CAMK1D: variants seen among roughly 807,000 people sequenced by gnomAD.
CAMK1D encodes calcium/calmodulin-dependent protein kinase type 1D.
A neutral mutation model predicts 47.7 loss-of-function variants in CAMK1D; 9 were observed. The observed-to-expected ratio is 0.19, with a 90% CI of 0.11 to 0.33. The LOEUF (loss-of-function observed/expected upper bound fraction) is 0.33. Ranked by LOEUF, CAMK1D falls within the 10% of genes least tolerant of loss-of-function variation. CAMK1D has a pLI of 1.00. For synonymous variants in CAMK1D, 184 were observed against 184.9 expected, an observed-to-expected ratio of 0.99 and a Z score of 0.04; for missense variants, 291 against 488.7, an observed-to-expected ratio of 0.60 and a Z score of 3.81.
At chr10:12,663,149 T>C (rs542933722) in intron 2 of CAMK1D, among the ~76,000 whole-genome samples, 1 of 151,740 alleles carries the variant, frequency 6.6e-6, no homozygotes, top group South Asian at 2.1e-4. Context: ...TTAGTAGGAA[T>C]GGGGTTTCAC....
Position 12,530,243 on chromosome 10 carries a change from G to A in CAMK1D, c.93-22982G>A, listed in dbSNP as rs72769686. The stretch of plus-strand genomic sequence containing the variant: ...TGGCATCAACACGGGAACACAGTGA[G>A]GCTGCTTCCTTTAGGCTGCGAGTGG... On this transcript the variant is annotated intron_variant, in intron 1 of 10. Transcript: ENST00000619168. Among the ~76,000 whole-genome samples the A allele has an allele frequency of 1.7e-3, 256 of 152,316 alleles. 1 individual carries two copies. The highest frequency in any genetic ancestry group is 2.9e-3 in the Admixed American group (44 of 15,300).
At chr10:12,595,341 T>TAAAAA (rs1244575818) in intron 2 of CAMK1D, among the ~76,000 whole-genome samples, 1 of 144 alleles carries the variant, frequency 6.9e-3, no homozygotes, top group Non-Finnish European at 0.012. Context: ...AAACTCCATC[T>TAAAAA]GAAAAAAAAA....
intron 1 of CAMK1D, among the ~76,000 whole-genome samples, chr10:12,550,595 C>A (rs1836545674): frequency 6.6e-6 from 1 of 152,174 alleles, no homozygotes. Flanking sequence ...TCCATGTATC[C>A]CTCTGTGATA....
chr10:12,772,009 G>A (rs1460159691), intron 5 of CAMK1D, among the ~76,000 whole-genome samples: 1 of 150,654 alleles, frequency 6.6e-6, no homozygotes, highest in East Asian at 2.0e-4. Flanking sequence ...ACTCCAGCCT[G>A]GGTGACAAAG....
intron 1 of CAMK1D, among the ~76,000 whole-genome samples, chr10:12,401,094 ATT>A (rs1384647298): frequency 8.5e-5 from 7 of 82,104 alleles, no homozygotes; most frequent in African/African-American, 4.0e-4. Context: ...TATTATATAT[ATT>A]ATATATATAT....
At chr10:12,495,238 A>G (rs1834502027) in intron 1 of CAMK1D, among the ~76,000 whole-genome samples, 1 of 151,888 alleles carries the variant, frequency 6.6e-6, no homozygotes, top group Admixed American at 6.5e-5. Flanking sequence ...CCATTTGTGC[A>G]AAAGGAAAAT....
intron 2 of CAMK1D, among the ~76,000 whole-genome samples, chr10:12,647,295 C>T (rs1417953271): frequency 6.6e-6 from 1 of 150,650 alleles, no homozygotes; most frequent in Non-Finnish European, 1.5e-5. Flanking sequence ...ATTACAGGCA[C>T]CTGCTACCAC....
At chr10:12,781,989 TTTTG>T (rs1318030046) in intron 5 of CAMK1D, among the ~76,000 whole-genome samples, 13 of 143,256 alleles carry the variant, frequency 9.1e-5, no homozygotes, top group African/African-American at 3.1e-4. Flanking sequence ...TTTTTTTTTT[TTTTG>T]CCATCCTGAT....
intron 2 of CAMK1D, among the ~76,000 whole-genome samples, chr10:12,617,855 C>A (rs533214964): frequency 2.0e-5 from 3 of 152,128 alleles, no homozygotes. Flanking sequence ...CCTGATAGAA[C>A]TTTTTCCAAA....
intron 3 of CAMK1D, among the ~76,000 whole-genome samples, chr10:12,703,946 A>G (rs1460814199): frequency 2.0e-5 from 3 of 152,102 alleles, no homozygotes; most frequent in African/African-American, 7.2e-5. Context: ...TCTCATATTT[A>G]TTCAAAGGTT....
chr10:12,808,632 C>T (rs1832468589), intron 6 of CAMK1D, among the ~76,000 whole-genome samples: 1 of 148,920 alleles, frequency 6.7e-6, no homozygotes, highest in African/African-American at 2.5e-5. Flanking sequence ...ACAAAAAATG[C>T]CGGGTGTAGT....
At chr10:12,388,149 A>G (rs940266694) in intron 1 of CAMK1D, among the ~76,000 whole-genome samples, 2 of 152,124 alleles carry the variant, frequency 1.3e-5, no homozygotes, top group African/African-American at 4.8e-5. Flanking sequence ...CAGCCTCCCA[A>G]GTAGCTGGAA....
At chr10:12,509,368 C>T (rs1834972984) in intron 1 of CAMK1D, among the ~76,000 whole-genome samples, 1 of 152,238 alleles carries the variant, frequency 6.6e-6, no homozygotes, top group Non-Finnish European at 1.5e-5. Context: ...CCAGCTTCCT[C>T]TTAGCTGTGA....
intron 2 of CAMK1D, among the ~76,000 whole-genome samples, chr10:12,622,957 G>T (rs916872770): frequency 1.3e-5 from 2 of 151,630 alleles, no homozygotes; most frequent in Admixed American, 6.6e-5. Context: ...GAGATGAGGA[G>T]CCCAAGGTGG....
chr10:12,381,635 G>A lies in CAMK1D; in HGVS notation c.92+31725G>A, dbSNP rs1253880809. Among the ~76,000 whole-genome samples, 6 of 152,114 alleles carry A rather than the reference G, an allele frequency of 3.9e-5. No homozygotes were observed. In the East Asian group the frequency reaches 1.2e-3, roughly 29 times the overall value. ...GCCACTGCACCCAGCCAATTCTCAA[G>A]TTTTTTAAAGAAGACAGTGCAAGCT... On this transcript the variant is annotated intron_variant, in intron 1 of 10. Coordinates refer to ENST00000619168, the MANE Select transcript of CAMK1D (RefSeq NM_153498.4).
chr10:12,534,944 TG>T (rs926160865), intron 1 of CAMK1D, among the ~76,000 whole-genome samples: 1 of 152,186 alleles, frequency 6.6e-6, no homozygotes. Flanking sequence ...AGCCCAGTCT[TG>T]TGGCCACAGA....
chr10:12,829,477 T>G lies in CAMK1D; in HGVS notation c.*590T>G, dbSNP rs1833380019. Reference sequence around the variant, plus strand: ...AGCCGGGTGCAATGACTCATGCCTGTAATCCCAGCACGTTGGGAGGCCAAG... The same window carrying G: ...AGCCGGGTGCAATGACTCATGCCTGGAATCCCAGCACGTTGGGAGGCCAAG... On this transcript the variant is annotated 3_prime_UTR_variant, in exon 11 of 11. Transcript: ENST00000619168. 6.6e-6 allele frequency: 1 copy of G among 152,276 alleles called. No individual in the cohort carries two copies. Among genetic ancestry groups the G allele is most frequent in the African/African-American group, 2.4e-5 (1 of 41,456 alleles). 9.4% of individuals were successfully genotyped at this position (152,276 alleles called of 1,614,324 possible).
At chr10:12,539,332 T>A (rs1836088546) in intron 1 of CAMK1D, among the ~76,000 whole-genome samples, 1 of 152,224 alleles carries the variant, frequency 6.6e-6, no homozygotes, top group African/African-American at 2.4e-5. Flanking sequence ...TAACAGAATT[T>A]TCCTTTAAGG....
chr10:12,819,001 T>A (rs1832914114), intron 8 of CAMK1D, among the ~76,000 whole-genome samples: 1 of 152,188 alleles, frequency 6.6e-6, no homozygotes. Flanking sequence ...AGATTTATCT[T>A]ATAAAGAATA....
Sources: allele counts gnomAD v4.1 joint callset (sites outside exome capture counted in the v4.1 genomes callset), GRCh38; gene constraint gnomAD v4.1.1; transcripts MANE v1.5; gene names NCBI Gene and HGNC (gene_info 2026-07-23, HGNC 2026-07-21).